TMEM45A: variants seen among roughly 807,000 people sequenced by gnomAD.
TMEM45A encodes the protein transmembrane protein 45A, also known as DNA polymerase-transactivated protein 4.
TMEM45A carries 25 observed loss-of-function variants against 32.0 expected under a neutral mutation model. That is an observed-to-expected ratio of 0.78 (90% CI 0.57 to 1.09). The LOEUF (loss-of-function observed/expected upper bound fraction) is 1.09. Ranked by LOEUF, TMEM45A falls within the 50% of genes least tolerant of loss-of-function variation. The pLI, the probability that TMEM45A is intolerant of heterozygous loss-of-function variation, is 0.00. For missense variants in TMEM45A, 302 were observed against 325.0 expected (o/e 0.93, Z 0.54); for synonymous variants, 122 against 114.8 (o/e 1.06, Z -0.40).
chr3:100,549,046 G>A (rs1041314363), intron 1 of TMEM45A, among the ~76,000 whole-genome samples: 8 of 151,958 alleles, frequency 5.3e-5, no homozygotes, highest in African/African-American at 1.7e-4. Context: ...TCAGGAGTTC[G>A]AGACCAGCCT....
intron 1 of TMEM45A, among the ~76,000 whole-genome samples, chr3:100,553,085 A>G (rs1200507305): frequency 6.6e-6 from 1 of 152,234 alleles, no homozygotes; most frequent in Admixed American, 6.5e-5. Context: ...TGAAGATAGC[A>G]TGAGCTTATT....
chr3:100,523,774 C>G (rs1243536430), intron 1 of TMEM45A, among the ~76,000 whole-genome samples: 1 of 140,804 alleles, frequency 7.1e-6, no homozygotes, highest in African/African-American at 2.8e-5. Flanking sequence ...CTCCTCCTTT[C>G]TCTTCCTTCT....
intron 3 of TMEM45A, among the ~76,000 whole-genome samples, chr3:100,557,250 GGTT>G (rs1368362239): frequency 6.6e-6 from 1 of 152,080 alleles, no homozygotes; most frequent in East Asian, 1.9e-4. Context: ...CTCATCTCTG[GGTT>G]GTTCTGAAGA....
chr3:100,515,494 G>A (rs1416029398), intron 1 of TMEM45A, among the ~76,000 whole-genome samples: 17 of 111,710 alleles, frequency 1.5e-4, no homozygotes, highest in Admixed American at 1.4e-3. Context: ...GGGGGGAGGG[G>A]GGAGGGATAG....
At chr3:100,564,596 G>T (rs1706392027) in intron 4 of TMEM45A, among the ~76,000 whole-genome samples, 1 of 151,730 alleles carries the variant, frequency 6.6e-6, no homozygotes, top group African/African-American at 2.4e-5. Context: ...CGATTCTCCT[G>T]CCTCAGTCTC....
intron 1 of TMEM45A, among the ~76,000 whole-genome samples, chr3:100,555,006 G>T (rs1453884841): frequency 2.0e-5 from 3 of 152,174 alleles, no homozygotes; most frequent in African/African-American, 7.2e-5. Flanking sequence ...CAACAAATGT[G>T]AGTTTTTATT....
At chr3:100,508,694 A>G (rs1009541229) in intron 1 of TMEM45A, among the ~76,000 whole-genome samples, 1 of 152,220 alleles carries the variant, frequency 6.6e-6, no homozygotes, top group Admixed American at 6.5e-5. Flanking sequence ...AAGGCATCAA[A>G]AACATATATT....
intron 1 of TMEM45A, among the ~76,000 whole-genome samples, chr3:100,548,184 C>T (rs773235309): frequency 6.6e-6 from 1 of 152,170 alleles, no homozygotes; most frequent in Non-Finnish European, 1.5e-5. Context: ...TGCTGAGACA[C>T]TCATCTCTGG....
intron 1 of TMEM45A, among the ~76,000 whole-genome samples, chr3:100,545,257 A>C (rs759970048): frequency 2.0e-5 from 3 of 152,190 alleles, no homozygotes; most frequent in Non-Finnish European, 4.4e-5. Context: ...AAAAGTTTTA[A>C]AGTTGGAATT....
At chr3:100,525,202 A>G (rs1442349947) in intron 1 of TMEM45A, among the ~76,000 whole-genome samples, 5 of 152,148 alleles carry the variant, frequency 3.3e-5, no homozygotes, top group African/African-American at 1.2e-4. Flanking sequence ...AAAAAAAGAA[A>G]AAGAGAAAAA....
intron 1 of TMEM45A, among the ~76,000 whole-genome samples, chr3:100,513,782 A>G (rs1189442338): frequency 2.6e-5 from 4 of 152,370 alleles, no homozygotes; most frequent in East Asian, 1.9e-4. Context: ...GCAAAGTCTC[A>G]GGATACAAAA....
intron 4 of TMEM45A, among the ~76,000 whole-genome samples, chr3:100,567,778 T>C (rs917198664): frequency 6.6e-6 from 1 of 152,066 alleles, no homozygotes; most frequent in Non-Finnish European, 1.5e-5. Flanking sequence ...GATGGAACTG[T>C]CTTCTTTTTC....
intron 1 of TMEM45A, among the ~76,000 whole-genome samples, chr3:100,553,146 A>G (rs1706142410): frequency 6.6e-6 from 1 of 152,152 alleles, no homozygotes; most frequent in Non-Finnish European, 1.5e-5. Flanking sequence ...TAAATTTATG[A>G]TGTAGGTACT....
At chr3:100,555,014 A>G (rs1706184732) in intron 1 of TMEM45A, among the ~76,000 whole-genome samples, 195 bp from the exon 2 acceptor site, 1 of 152,172 alleles carries the variant, frequency 6.6e-6, no homozygotes, top group Non-Finnish European at 1.5e-5. Context: ...GTGAGTTTTT[A>G]TTTTGTTTTT....
chr3:100,509,782 A>T (rs992577295), intron 1 of TMEM45A, among the ~76,000 whole-genome samples: 1 of 152,214 alleles, frequency 6.6e-6, no homozygotes, highest in African/African-American at 2.4e-5. Context: ...GAGCTGAAGC[A>T]GGCTGAGGCA....
At chr3:100,549,002 C>T (rs1209774931) in intron 1 of TMEM45A, among the ~76,000 whole-genome samples, 1 of 152,178 alleles carries the variant, frequency 6.6e-6, no homozygotes, top group Non-Finnish European at 1.5e-5. Flanking sequence ...AATCCCAGCA[C>T]TTTGGGAGGC....
chr3:100,555,331 T>G lies in TMEM45A; in HGVS notation c.120T>G (p.Leu40=), dbSNP rs755640348. 2.7e-5 allele frequency: 44 copies of G among 1,613,966 alleles called. No individual in the cohort carries two copies. Among genetic ancestry groups the G allele is most frequent in the Non-Finnish European group, 3.6e-5 (42 of 1,179,976 alleles). The part of the protein sequence containing the change: ...ICKKQKRTCY[L]GSKTLFYRLE... ...AAAAGCAAAAGCGAACCTGCTATCT[T>G]GGTTCCAAAACATTATTCTATCGAT... is the stretch of plus-strand genomic sequence containing the variant. Residue 40 remains leucine (L), a synonymous_variant, in exon 2 of 6, where the codon CTT becomes CTG. Transcript: ENST00000323523.
At chr3:100,501,804 G>A (rs1246767125) in intron 1 of TMEM45A, among the ~76,000 whole-genome samples, 1 of 152,156 alleles carries the variant, frequency 6.6e-6, no homozygotes, top group African/African-American at 2.4e-5. Context: ...TGACCTAAAA[G>A]TATAATTAGT....
At chr3:100,507,909 C>G (rs920499789) in intron 1 of TMEM45A, among the ~76,000 whole-genome samples, 4 of 151,126 alleles carry the variant, frequency 2.6e-5, no homozygotes, top group African/African-American at 9.7e-5. Context: ...CTAGAGACAT[C>G]TGTTATTCAC....
Sources: gnomAD v4.1 joint callset for allele counts (sites outside exome capture counted in the v4.1 genomes callset) on GRCh38, gnomAD v4.1.1 for gene constraint, MANE v1.5 for transcripts, NCBI Gene and HGNC (gene_info 2026-07-23, HGNC 2026-07-21) for gene names.